CD207: variants seen among roughly 807,000 people sequenced by gnomAD.
CD207 encodes the protein C-type lectin domain family 4 member K.
A neutral mutation model predicts 31.6 loss-of-function variants in CD207; 28 were observed. The ratio of observed to expected loss-of-function variants is 0.89; its 90% CI spans 0.66 to 1.21. The LOEUF (loss-of-function observed/expected upper bound fraction) is 1.21. Among genes scored for constraint, CD207 ranks in the 50% most tolerant of loss-of-function variants. CD207 has a pLI of 0.00. For missense variants in CD207, 388 were observed against 397.8 expected, an observed-to-expected ratio of 0.98 and a Z score of 0.21; for synonymous variants, 168 against 153.9, an observed-to-expected ratio of 1.09 and a Z score of -0.68.
intron 2 of CD207, among the ~76,000 whole-genome samples, chr2:70,834,679 G>A (rs781861093): frequency 2.6e-5 from 4 of 152,162 alleles, no homozygotes; most frequent in Admixed American, 1.3e-4. Context: ...GCTCAAAGGC[G>A]AGCCCTGAGG....
chr2:70,835,499 G>GC lies in CD207; in HGVS notation c.181dup (p.Ala61GlyfsTer34). 1.9e-6 allele frequency: 3 copies of GC among 1,611,460 alleles called. No individual in the cohort carries two copies. The highest frequency in any genetic ancestry group is 2.5e-6 in the Non-Finnish European group (3 of 1,178,038). On this transcript the variant is annotated frameshift_variant, in exon 2 of 6. Transcript: ENST00000410009. LOFTEE classifies it high-confidence loss of function. ...GAAACATGAGGACTTACAAAGGACG[G>GC]CCTGCAGCAGGACGGAGGCGACCAG...
chr2:70,826,180 G>C (rs782055648), downstream of CD207, among the ~76,000 whole-genome samples: 1 of 151,936 alleles, frequency 6.6e-6, no homozygotes, highest in Admixed American at 6.6e-5. Flanking sequence ...GACATAAGTA[G>C]TAATTATGGA....
chr2:70,831,782 C>T lies in CD207; in HGVS notation c.755G>A (p.Trp252Ter). The T allele has an allele frequency of 6.2e-7, 1 of 1,613,356 alleles. No homozygotes were observed. The highest frequency in any genetic ancestry group is 8.5e-7 in the Non-Finnish European group (1 of 1,179,318). The change falls in exon 5 of 6, where the codon TGG becomes TAG. Residue 252 changes from tryptophan to a stop codon, truncating the protein, a stop_gained. Coordinates refer to ENST00000410009, the MANE Select transcript of CD207 (RefSeq NM_015717.5). LOFTEE classifies it high-confidence loss of function. ...LYKTAGGLIY[W>*]IGLTKAGMEG... ...CATCCCTGCTTTAGTCAGGCCAATC[C>T]AGTAGATGAGTCCCCCCGCTGTTTT...
At chr2:70,834,103 G>A in intron 2 of CD207, 83 bp from the exon 3 acceptor site, 1 of 1,278,236 alleles carries the variant, frequency 7.8e-7, no homozygotes, top group Non-Finnish European at 1.0e-6. Flanking sequence ...TCAAAGGAAG[G>A]GAAGGAATAG....
At chr2:70,829,086 T>A (rs902499244), downstream of CD207, among the ~76,000 whole-genome samples, 8 of 152,330 alleles carry the variant, frequency 5.3e-5, no homozygotes, top group African/African-American at 1.9e-4. Context: ...TTCCTTTTGT[T>A]AACAGCCTCA....
At chr2:70,832,625 G>C (rs1174051998) in intron 4 of CD207, among the ~76,000 whole-genome samples, 1 of 152,252 alleles carries the variant, frequency 6.6e-6, no homozygotes, top group Middle Eastern at 3.4e-3. Flanking sequence ...TTAAATCTGG[G>C]CAGAAGCTTT....
rs1553399631 is a variant in CD207 at position 70,831,036 on chromosome 2, G to C, written c.*14C>G. ...GCGTTGGAGCTCAAAGAGTGAGCTT[G>C]GGAGCCTGTCCTGTCACGGTTCTGA... On this transcript the variant is annotated 3_prime_UTR_variant, in exon 6 of 6. Coordinates refer to ENST00000410009, the MANE Select transcript of CD207 (RefSeq NM_015717.5). 6.2e-7 allele frequency: 1 copy of C among 1,609,932 alleles called. No homozygotes were observed. The highest frequency in any genetic ancestry group is 8.5e-7 in the Non-Finnish European group (1 of 1,177,684).
At chr2:70,833,525 G>T in intron 3 of CD207, 121 bp downstream of exon 3, 1 of 1,155,788 alleles carries the variant, frequency 8.7e-7, no homozygotes, top group Non-Finnish European at 1.2e-6. Flanking sequence ...CTAGCCCATG[G>T]CTGCCCCTCT....
At position 70,835,579 on chromosome 2, in the gene CD207, C is replaced by A. The variant is rs782385053; in HGVS notation, c.102G>T (p.Leu34=). The change falls in exon 2 of 6, where the codon CTG becomes CTT. Residue 34 remains leucine, a synonymous_variant. Transcript: ENST00000410009. ...GGACTGTGGGTGTTTTCCCCGGGAC[C>A]AGAGATGGACCGGACTTGGGAGGAG... ...REPPPKSGPS[L]VPGKTPTVRA... 1 of 1,613,956 alleles carries A rather than the reference C, an allele frequency of 6.2e-7. No individual in the cohort carries two copies.
rs1558628538 is a variant in CD207, at chr2:70,832,936, AT to A, written c.680del (p.Asn227IlefsTer4). On this transcript the variant is annotated frameshift_variant, in exon 4 of 6. Transcript: ENST00000410009. LOFTEE classifies it high-confidence loss of function. ...CTGAGGTCACCGAGGTCAGGTGTGA[AT>A]TCCTGGACACACAGAACTGCTCGGC... ...YSAEQFCVSR[N>X]SHLTSVTSES... 5.6e-6 allele frequency: 9 copies of A among 1,613,892 alleles called. No homozygotes were observed. Among genetic ancestry groups the A allele is most frequent in the African/African-American group, 1.3e-5 (1 of 74,936 alleles).
At position 70,831,082 on chromosome 2, in the gene CD207, A is replaced by C. The variant is rs781910922; in HGVS notation, c.955T>G (p.Cys319Gly). 7.4e-6 allele frequency: 12 copies of C among 1,613,810 alleles called. No individual in the cohort carries two copies. Among genetic ancestry groups the C allele is most frequent in the Non-Finnish European group, 8.5e-6 (10 of 1,179,868 alleles). ...TCTGATGGGACATAGGGTCGCTTAC[A>C]AATGAAAAGAAACGTTTTGTCACAT... ...APCDKTFLFI[C>G]KRPYVPSEP is the part of the protein sequence containing the mutation. Residue 319 changes from cysteine (C) to glycine (G), a missense_variant, in exon 6 of 6, where the codon TGT becomes GGT. Coordinates refer to ENST00000410009, the MANE Select transcript of CD207 (RefSeq NM_015717.5).
chr2:70,835,058 C>T (rs1677574500), intron 2 of CD207, among the ~76,000 whole-genome samples: 1 of 152,344 alleles, frequency 6.6e-6, no homozygotes, highest in Non-Finnish European at 1.5e-5. Context: ...GGCTCTCCAT[C>T]TGGTGAGCTG....
chr2:70,827,370 G>A (rs2104694922), downstream of CD207, among the ~76,000 whole-genome samples: 1 of 152,294 alleles, frequency 6.6e-6, no homozygotes, highest in East Asian at 1.9e-4. Context: ...GGGACAGATA[G>A]GAGGGGAGGT....
In CD207 at chr2:70,835,553, C is replaced by G; in HGVS notation, c.128G>C (p.Arg43Pro). 1.2e-6 allele frequency: 2 copies of G among 1,613,982 alleles called. No homozygotes were observed. Among genetic ancestry groups the G allele is most frequent in the Admixed American group, 1.7e-5 (1 of 60,024 alleles). The change falls in exon 2 of 6, where the codon CGT becomes CCT. Residue 43 changes from arginine to proline, a missense_variant. By Grantham distance (103) the Arg-to-Pro change is moderately radical (BLOSUM62 -2). Transcript: ENST00000410009. ...SLVPGKTPTV[R>P]AALICLTLVL... ...CAGCGTCAGGCAGATTAATGCAGCA[C>G]GGACTGTGGGTGTTTTCCCCGGGAC...
At position 70,835,740 on chromosome 2, in the gene CD207, TG is replaced by T. The variant is rs142878020; in HGVS notation, c.36del (p.Phe12LeufsTer35). The T allele has an allele frequency of 3.4e-4, 556 of 1,613,188 alleles. 2 individuals are homozygous for T. The African/African-American group carries it at 6.2e-3, about 18-fold the overall frequency. ...TVEKEAPDAH[F>X]TVDKQNISLW... ...AGGGAGATGTTCTGTTTGTCCACAGTGAAGTGCGCATCAGGGGCCTCCTTCT... is the reference window on the plus strand; with the variant it reads ...AGGGAGATGTTCTGTTTGTCCACAGTAAGTGCGCATCAGGGGCCTCCTTCT... On this transcript the variant is annotated frameshift_variant, in exon 1 of 6. Transcript: ENST00000410009. LOFTEE classifies it high-confidence loss of function.
chr2:70,831,425 C>A (rs1677468015), intron 5 of CD207, among the ~76,000 whole-genome samples: 1 of 152,194 alleles, frequency 6.6e-6, no homozygotes, highest in African/African-American at 2.4e-5. Flanking sequence ...CAAGTCCCTA[C>A]ACAAACCCAC....
Position 70,835,465 on chromosome 2 carries a change from C to A in CD207, c.190+26G>T. 3 of 1,555,332 alleles carry A rather than the reference C, an allele frequency of 1.9e-6. No homozygotes were observed. In the East Asian group the frequency reaches 6.7e-5, roughly 35 times the overall value. ...GGCTGGCCACAGAGAGGGGCTAAGC[C>A]CAGACGATGAAACATGAGGACTTAC... On this transcript the variant is annotated intron_variant, in intron 2 of 5. Coordinates refer to ENST00000410009, the MANE Select transcript of CD207 (RefSeq NM_015717.5).
intron 2 of CD207, among the ~76,000 whole-genome samples, chr2:70,834,735 A>G (rs1313080166): frequency 2.0e-5 from 3 of 151,756 alleles, no homozygotes; most frequent in Non-Finnish European, 2.9e-5. Flanking sequence ...GGCAAGGGGG[A>G]CTCTGCTCAG....
intron 1 of CD207, 22 bp from the exon 2 acceptor site, chr2:70,835,629 G>C (rs374895651): frequency 6.2e-7 from 1 of 1,610,756 alleles, no homozygotes; most frequent in African/African-American, 1.3e-5. Flanking sequence ...AGAAGAAAAT[G>C]TGTGTTGAAG....
Sources: gnomAD v4.1 joint callset for allele counts (sites outside exome capture counted in the v4.1 genomes callset) on GRCh38, gnomAD v4.1.1 for gene constraint, MANE v1.5 for transcripts, NCBI Gene and HGNC (gene_info 2026-07-23, HGNC 2026-07-21) for gene names.